WDR37: variants seen among roughly 807,000 people sequenced by gnomAD.
The protein encoded by WDR37 is WD repeat-containing protein 37.
WDR37 carries 19 observed loss-of-function variants against 62.9 expected under a neutral mutation model. That is an observed-to-expected ratio of 0.30 (90% confidence interval 0.21 to 0.44). The LOEUF (loss-of-function observed/expected upper bound fraction) is 0.44. WDR37 is among the 20% of genes least tolerant of loss of function. The pLI is 1.00. For missense variants in WDR37, 474 were observed against 657.6 expected, an observed-to-expected ratio of 0.72 and a Z score of 3.05; for synonymous variants, 250 against 260.9, an observed-to-expected ratio of 0.96 and a Z score of 0.40.
rs529744023 is a variant in WDR37, at chr10:1,121,007, C to G, written c.1104-3211C>G. Among the ~76,000 whole-genome samples, 1 of 152,200 alleles carries G rather than the reference C, an allele frequency of 6.6e-6. No individual in the cohort carries two copies. The highest frequency in any genetic ancestry group is 1.5e-5 in the Non-Finnish European group (1 of 68,036). ...GCACTGTCAGCTGGAGGAGCACGCT[C>G]GGCTGCCCCACACGACAAGATAAAT... On this transcript the variant is annotated intron_variant, in intron 11 of 13. Transcript: ENST00000263150. This position sits in a 1 kb window ranked among gnomAD's most constrained non-coding sequence, Gnocchi z 4.5.
At position 1,089,822 on chromosome 10, in the gene WDR37, G is replaced by A. The variant is rs939255496; in HGVS notation, c.604+3465G>A. ...TCGTCTCTTTAGTTCTTTCTTTGTG[G>A]GTCTGTTCCTGTTTCTTCCAGGATG... On this transcript the variant is annotated intron_variant, in intron 7 of 13. Coordinates refer to ENST00000263150, the MANE Select transcript of WDR37 (RefSeq NM_014023.4). Among the ~76,000 whole-genome samples the A allele has an allele frequency of 2.0e-5, 3 of 152,262 alleles. No individual in the cohort carries two copies. In the East Asian group the frequency reaches 5.8e-4, roughly 29 times the overall value.
chr10:1,113,269 G>C (rs1048507169), intron 11 of WDR37, among the ~76,000 whole-genome samples: 1 of 152,156 alleles, frequency 6.6e-6, no homozygotes, highest in African/African-American at 2.4e-5. Flanking sequence ...TGAATATTTT[G>C]AGCCTATTGT....
intron 10 of WDR37, among the ~76,000 whole-genome samples, chr10:1,104,344 C>T (rs1051056026): frequency 5.3e-5 from 8 of 152,212 alleles, no homozygotes; most frequent in African/African-American, 9.6e-5. Flanking sequence ...AGCTGCCAGC[C>T]GGGGCTCCTC....
intron 7 of WDR37, among the ~76,000 whole-genome samples, chr10:1,091,963 G>A (rs1398888990): frequency 2.1e-5 from 3 of 146,270 alleles, no homozygotes; most frequent in Non-Finnish European, 4.5e-5. Flanking sequence ...GGCGGATCAC[G>A]AGGTCAGGAG....
At chr10:1,081,647 GA>G (rs1589089672) in intron 5 of WDR37, among the ~76,000 whole-genome samples, 1 of 151,792 alleles carries the variant, frequency 6.6e-6, no homozygotes, top group Non-Finnish European at 1.5e-5. Context: ...TAATTTATTT[GA>G]TTTTTTTTTT....
chr10:1,084,198 C>T (rs755092528), intron 5 of WDR37, among the ~76,000 whole-genome samples: 16 of 152,182 alleles, frequency 1.1e-4, no homozygotes, highest in Non-Finnish European at 1.6e-4. Flanking sequence ...GAGAGCTGCA[C>T]GCATTCTCTG....
chr10:1,120,425 TACTC>T (rs1362486412), intron 11 of WDR37, among the ~76,000 whole-genome samples: 56 of 152,230 alleles, frequency 3.7e-4, no homozygotes, highest in Admixed American at 3.5e-3. Flanking sequence ...TTTGGTTACT[TACTC>T]AGGGCACTGT....
chr10:1,128,262 C>A (rs966904815), intron 13 of WDR37, among the ~76,000 whole-genome samples: 1 of 152,192 alleles, frequency 6.6e-6, no homozygotes, highest in East Asian at 1.9e-4. Context: ...CACTCTTGTA[C>A]CTGATGCTGT....
At chr10:1,119,607 C>A (rs1214711198) in intron 11 of WDR37, among the ~76,000 whole-genome samples, 1 of 152,172 alleles carries the variant, frequency 6.6e-6, no homozygotes, top group Admixed American at 6.5e-5. Context: ...GCTGTGGTGC[C>A]TGTTGGCAGC....
chr10:1,092,320 G>GTCTCTACTAAAAATACAAAAGACCGT (rs1834423082), intron 7 of WDR37, among the ~76,000 whole-genome samples: 1 of 152,080 alleles, frequency 6.6e-6, no homozygotes. Context: ...GGCAAGACCC[G>GTCTCTACTAAAAATACAAAAGACCGT]GTCTCTACTA....
chr10:1,126,278 C>T (rs367975254), intron 13 of WDR37, among the ~76,000 whole-genome samples: 75 of 151,882 alleles, frequency 4.9e-4, no homozygotes, highest in East Asian at 1.2e-3. Context: ...TGGTGGCGGG[C>T]GTCTGTAGTC....
chr10:1,105,344 C>T lies in WDR37; in HGVS notation c.1103+77C>T, dbSNP rs1379973058. ...GGTTGACATGAAAACTTAATTCTAG[C>T]CTTAATTTTCAGTATTTCCGACTCT... On this transcript the variant is annotated intron_variant, in intron 11 of 13. Transcript: ENST00000263150. The surrounding 1 kb of genome is among the most constrained non-coding windows in gnomAD (Gnocchi z 5.3). 6.7e-7 allele frequency: 1 copy of T among 1,502,302 alleles called. No homozygotes were observed. Among genetic ancestry groups the T allele is most frequent in the African/African-American group, 1.4e-5 (1 of 72,012 alleles). The allele number at this position is 1,502,302 out of a possible 1,614,324, so 93.1% of individuals were successfully genotyped here.
intron 2 of WDR37, chr10:1,074,574 G>A (rs1156873267): frequency 1.6e-5 from 21 of 1,282,890 alleles, no homozygotes; most frequent in Non-Finnish European, 1.9e-5. Flanking sequence ...AGTGGCCCCC[G>A]TGAGGTGCTC....
At chr10:1,120,573 A>G (rs1835545731) in intron 11 of WDR37, among the ~76,000 whole-genome samples, 1 of 152,104 alleles carries the variant, frequency 6.6e-6, no homozygotes, top group African/African-American at 2.4e-5. Context: ...ATTTTCAAAG[A>G]TCTGTTCTCG....
intron 11 of WDR37, among the ~76,000 whole-genome samples, chr10:1,119,387 G>A (rs1312365917): frequency 6.6e-6 from 1 of 152,174 alleles, no homozygotes; most frequent in East Asian, 1.9e-4. Flanking sequence ...CATAGCTCAT[G>A]GATCTCATCT....
chr10:1,081,910 T>C (rs938608533), intron 5 of WDR37, among the ~76,000 whole-genome samples: 1 of 152,206 alleles, frequency 6.6e-6, no homozygotes. Context: ...TCCTTTACCA[T>C]GAGCAGTAAA....
Position 1,129,283 on chromosome 10 carries a change from G to C in WDR37, c.1424G>C (p.Gly475Ala). 1.4e-5 allele frequency: 22 copies of C among 1,614,124 alleles called. No homozygotes were observed. Among genetic ancestry groups the C allele is most frequent in the Non-Finnish European group, 1.9e-5 (22 of 1,180,034 alleles). Reference sequence around the variant, plus strand: ...CCCGTGTGCAATCTGTTCACCTGTGGGTTTGACCGGCAAGCCATTGGTTGG... The same window carrying C: ...CCCGTGTGCAATCTGTTCACCTGTGCGTTTGACCGGCAAGCCATTGGTTGG... Reference protein sequence around the residue: ...DHPVCNLFTCGFDRQAIGWNI... With the variant: ...DHPVCNLFTCAFDRQAIGWNI... Residue 475 changes from glycine to alanine, a missense_variant, in exon 14 of 14, where the codon GGG becomes GCG. Transcript: ENST00000263150.
chr10:1,099,746 T>G (rs1019972789), intron 9 of WDR37, among the ~76,000 whole-genome samples: 2 of 143,822 alleles, frequency 1.4e-5, no homozygotes, highest in Non-Finnish European at 3.0e-5. Flanking sequence ...ATTCAGCGTG[T>G]GCACTGATGG....
chr10:1,069,928 A>T (rs566521825), intron 1 of WDR37, among the ~76,000 whole-genome samples: 14 of 152,270 alleles, frequency 9.2e-5, no homozygotes, highest in African/African-American at 3.4e-4. Context: ...AGTTGAGGCC[A>T]GGCACAATAG....
Sources: allele counts gnomAD v4.1 joint callset (sites outside exome capture counted in the v4.1 genomes callset), GRCh38; gene constraint gnomAD v4.1.1; non-coding constraint Gnocchi (gnomAD v3.1); transcripts MANE v1.5; gene names NCBI Gene and HGNC (gene_info 2026-07-23, HGNC 2026-07-21).